Variants in SLC35D1 observed in about 807,000 individuals in gnomAD.
SLC35D1 encodes the protein nucleotide sugar transporter SLC35D1.
A neutral mutation model predicts 46.7 loss-of-function variants in SLC35D1; 31 were observed. The observed-to-expected ratio is 0.66, with a 90% CI of 0.50 to 0.90. SLC35D1 has a LOEUF of 0.90. Ranked by LOEUF, SLC35D1 falls within the 40% of genes least tolerant of loss-of-function variation. The pLI, the probability that SLC35D1 is intolerant of heterozygous loss-of-function variation, is 0.00. For missense variants in SLC35D1, 397 were observed against 426.2 expected (o/e 0.93, Z 0.60); for synonymous variants, 195 against 164.6 (o/e 1.18, Z -1.41).
At chr1:67,036,615 AT>A (rs999898051) in intron 8 of SLC35D1, among the ~76,000 whole-genome samples, 2 of 152,000 alleles carry the variant, frequency 1.3e-5, no homozygotes, top group Admixed American at 6.6e-5. Context: ...TTTGGTCTCC[AT>A]TGGCATGTAA....
chr1:67,041,128 AAC>A (rs1334931233), intron 8 of SLC35D1, among the ~76,000 whole-genome samples: 3 of 152,228 alleles, frequency 2.0e-5, no homozygotes, highest in Non-Finnish European at 4.4e-5. Context: ...CAAAGTGACT[AAC>A]ACATAATAGG....
intron 9 of SLC35D1, 23 bp downstream of exon 9, chr1:67,021,512 C>T: frequency 6.2e-7 from 1 of 1,612,864 alleles, no homozygotes; most frequent in Non-Finnish European, 8.5e-7. Flanking sequence ...AAACTATCTG[C>T]TAACAAGGTA....
chr1:67,053,992 G>A lies in SLC35D1; in HGVS notation c.22C>T (p.Gln8Ter). The change falls in exon 1 of 12, where the codon CAG (glutamine) becomes TAG (stop). Residue 8 changes from glutamine to a stop codon, truncating the protein, a stop_gained. Coordinates refer to ENST00000235345, the MANE Select transcript of SLC35D1 (RefSeq NM_015139.3). LOFTEE classifies it high-confidence loss of function. ...GCTTCTCCTTTAACCCGAGCATGCTGACGTCTATGAACTTCCGCCATGGCT... is the reference window on the plus strand; with the variant it reads ...GCTTCTCCTTTAACCCGAGCATGCTAACGTCTATGAACTTCCGCCATGGCT... MAEVHRR[Q>*]HARVKGEAPA... 1 of 1,612,248 alleles carries A rather than the reference G, an allele frequency of 6.2e-7. No individual in the cohort carries two copies. The highest frequency in any genetic ancestry group is 8.5e-7 in the Non-Finnish European group (1 of 1,179,132).
intron 8 of SLC35D1, among the ~76,000 whole-genome samples, chr1:67,024,689 C>G (rs964340768): frequency 6.6e-6 from 1 of 152,106 alleles, no homozygotes; most frequent in Non-Finnish European, 1.5e-5. Context: ...TGTCTAACTT[C>G]ATGTTCACAT....
chr1:66,985,814 ATTTTT>A, the SLC35D1 span: 3,237 of 628,970 alleles, frequency 5.1e-3, 1 homozygote, highest in South Asian at 0.011. Context: ...GGATTATAAA[ATTTTT>A]TTTTTTTTTT....
In SLC35D1 at chr1:67,049,762, G is replaced by A. The variant is rs1254312398; in HGVS notation, c.533+20C>T. ...ATTATTGACAATTTATAATGTGCTAGTCATAGGCCCACATCTTACCTGGCA... is the reference window on the plus strand; with the variant it reads ...ATTATTGACAATTTATAATGTGCTAATCATAGGCCCACATCTTACCTGGCA... On this transcript the variant is annotated intron_variant, in intron 6 of 11. Transcript: ENST00000235345. 1 of 1,603,592 alleles carries A rather than the reference G, an allele frequency of 6.2e-7. No homozygotes were observed. Among genetic ancestry groups the A allele is most frequent in the South Asian group, 1.1e-5 (1 of 90,740 alleles).
At chr1:67,030,960 T>A (rs1195286513) in intron 8 of SLC35D1, among the ~76,000 whole-genome samples, 1 of 152,184 alleles carries the variant, frequency 6.6e-6, no homozygotes, top group Non-Finnish European at 1.5e-5. Flanking sequence ...AGAAGACGGG[T>A]AACTTACTTT....
chr1:67,009,148 A>C lies in SLC35D1; in HGVS notation c.896T>G (p.Ile299Ser). 7.0e-7 allele frequency: 1 copy of C among 1,429,488 alleles called. No homozygotes were observed. The highest frequency in any genetic ancestry group is 9.8e-7 in the Non-Finnish European group (1 of 1,023,752). 88.6% of individuals were successfully genotyped at this position (1,429,488 alleles called of 1,614,324 possible). Reference sequence around the variant, plus strand: ...ATAATCTCCACCAAAGACCATTCCAATATAAGTTATTAATATATTCTAAAA... The same window carrying C: ...ATAATCTCCACCAAAGACCATTCCACTATAAGTTATTAATATATTCTAAAA... ...GCIKNILITY[I>S]GMVFGGDYIF... is the part of the protein sequence containing the mutation. Residue 299 changes from isoleucine (I) to serine (S), a missense_variant, in exon 11 of 12, where the codon ATT (isoleucine) becomes AGT (serine). By Grantham distance (142) the Ile-to-Ser change is moderately radical. Transcript: ENST00000235345.
At chr1:67,020,345 AG>A in intron 10 of SLC35D1, 23 bp downstream of exon 10, 1 of 1,463,772 alleles carries the variant, frequency 6.8e-7, no homozygotes, top group Non-Finnish European at 9.6e-7. Flanking sequence ...AGGTACCAAA[AG>A]CTAACAGTAT....
intron 4 of SLC35D1, among the ~76,000 whole-genome samples, chr1:67,051,204 T>C (rs919064600): frequency 7.9e-5 from 12 of 152,202 alleles, no homozygotes; most frequent in Non-Finnish European, 1.3e-4. Context: ...TTCAGAGATA[T>C]CATCTCGGTC....
intron 10 of SLC35D1, among the ~76,000 whole-genome samples, chr1:67,016,303 TTTTAC>T (rs1029935385): frequency 9.5e-4 from 144 of 152,236 alleles, no homozygotes; most frequent in African/African-American, 3.4e-3. Context: ...ACAATCATTG[TTTTAC>T]TTTGATTCTT....
chr1:66,996,379 G>A (rs761285873), downstream of SLC35D1, among the ~76,000 whole-genome samples: 8 of 152,254 alleles, frequency 5.3e-5, no homozygotes, highest in Admixed American at 5.2e-4. Context: ...GTATAGAGCG[G>A]TGATGAGTTT....
At chr1:67,018,666 T>C (rs867742712) in intron 10 of SLC35D1, among the ~76,000 whole-genome samples, 1 of 152,290 alleles carries the variant, frequency 6.6e-6, no homozygotes, top group African/African-American at 2.4e-5. Context: ...CAATGAGTTA[T>C]CCTAAGTGAT....
rs1491409653 is a variant in SLC35D1, at chr1:67,021,718, G to GAC, written c.730-118_730-117dup. On this transcript the variant is annotated intron_variant, in intron 8 of 11. Coordinates refer to ENST00000235345, the MANE Select transcript of SLC35D1 (RefSeq NM_015139.3). ...CAACACAGACACAGACACAGACACA[G>GAC]ACACAGACACACACACACACACACA... 1.6e-3 allele frequency: 709 copies of GAC among 450,026 alleles called. 2 individuals carry two copies. The highest frequency in any genetic ancestry group is 0.014 in the African/African-American group (624 of 45,098). 27.9% of individuals were successfully genotyped at this position (450,026 alleles called of 1,614,324 possible).
chr1:66,986,602 C>A, the SLC35D1 span: 13 of 750,930 alleles, frequency 1.7e-5, no homozygotes, highest in Non-Finnish European at 2.7e-5. Flanking sequence ...GGACTGCTTC[C>A]CTTCACCAAT....
At chr1:66,997,810 TTA>T (rs1667259241), downstream of SLC35D1, among the ~76,000 whole-genome samples, 1 of 147,794 alleles carries the variant, frequency 6.8e-6, no homozygotes, top group African/African-American at 2.5e-5. Context: ...TATTTATATA[TTA>T]TATGTTACTG....
the SLC35D1 span, chr1:66,984,483 T>C: frequency 5.2e-6 from 5 of 970,694 alleles, no homozygotes; most frequent in Non-Finnish European, 7.7e-6. Context: ...CTTGCTTCCT[T>C]GATAACAATA....
the SLC35D1 span, among the ~76,000 whole-genome samples, chr1:66,979,825 C>T: frequency 1.9e-4 from 28 of 151,084 alleles, no homozygotes; most frequent in East Asian, 1.9e-3. Flanking sequence ...AGTACAGTGG[C>T]GCAATCTCGG....
chr1:67,018,080 T>C (rs540192587), intron 10 of SLC35D1, among the ~76,000 whole-genome samples: 2 of 152,234 alleles, frequency 1.3e-5, no homozygotes, highest in African/African-American at 4.8e-5. Context: ...ATTGATACAT[T>C]GAAAAAGGCC....
Sources: gnomAD v4.1 joint callset for allele counts (sites outside exome capture counted in the v4.1 genomes callset) on GRCh38, gnomAD v4.1.1 for gene constraint, MANE v1.5 for transcripts, NCBI Gene and HGNC (gene_info 2026-07-23, HGNC 2026-07-21) for gene names.